The following ZNF652 variants were observed in gnomAD, a reference collection of about 807,000 sequenced individuals.
ZNF652 encodes the protein zinc finger protein 652.
ZNF652 carries 16 observed loss-of-function variants against 45.2 expected under a neutral mutation model. The ratio of observed to expected loss-of-function variants is 0.35; its 90% CI spans 0.24 to 0.54. The LOEUF (loss-of-function observed/expected upper bound fraction) is 0.54. Ranked by LOEUF, ZNF652 falls within the 20% of genes least tolerant of loss-of-function variation. The pLI is 0.91. For synonymous variants in ZNF652, 250 were observed against 260.6 expected, an observed-to-expected ratio of 0.96 and a Z score of 0.39; for missense variants, 614 against 765.6, an observed-to-expected ratio of 0.80 and a Z score of 2.34.
chr17:49,362,198 G>T lies in ZNF652; in HGVS notation c.-548C>A, dbSNP rs2143175330. 6.6e-6 allele frequency: 1 copy of T among 150,874 alleles called. No homozygotes were observed. Among genetic ancestry groups the T allele is most frequent in the South Asian group, 1.8e-4 (1 of 5,490 alleles). 9.3% of individuals were successfully genotyped at this position (150,874 alleles called of 1,614,324 possible). A position where few individuals can be genotyped will look rare whatever the true frequency, so the allele number is the denominator to read the frequency against. Reference sequence around the variant, plus strand: ...CAGCGCGGGGCGGGCGGCAGGGGAGGGGGTGTGCGTGTGTGGATGTGTGTG... The same window carrying T: ...CAGCGCGGGGCGGGCGGCAGGGGAGTGGGTGTGCGTGTGTGGATGTGTGTG... On this transcript the variant is annotated 5_prime_UTR_variant, in exon 1 of 6. Coordinates refer to ENST00000430262, the MANE Select transcript of ZNF652 (RefSeq NM_001145365.3).
chr17:49,354,829 G>A (rs987475487), intron 1 of ZNF652, among the ~76,000 whole-genome samples: 1 of 151,822 alleles, frequency 6.6e-6, no homozygotes, highest in Non-Finnish European at 1.5e-5. Context: ...AGGTTCAAGC[G>A]ATTCTCATGC....
At chr17:49,358,658 T>C (rs546089726) in intron 1 of ZNF652, among the ~76,000 whole-genome samples, 1 of 152,170 alleles carries the variant, frequency 6.6e-6, no homozygotes, top group Non-Finnish European at 1.5e-5. Context: ...ATCAGTAGCA[T>C]TACTAATCAA....
Position 49,317,322 on chromosome 17 carries a change from T to G in ZNF652, c.404A>C (p.Lys135Thr), listed in dbSNP as rs371687212. 6.2e-7 allele frequency: 1 copy of G among 1,613,054 alleles called. No individual in the cohort carries two copies. Among genetic ancestry groups the G allele is most frequent in the Non-Finnish European group, 8.5e-7 (1 of 1,180,012 alleles). ...CTCTTTGGACTGAGAAGAGACACCC[T>G]TTTCCCCTTTAGATACATTTAATGT... ...NQTLNVSKGE[K>T]GVSSQSKETP... Residue 135 changes from lysine to threonine, a missense_variant, in exon 2 of 6, where the codon AAG becomes ACG. Physicochemically the swap from Lys to Thr is moderately conservative, Grantham distance 78 (BLOSUM62 -1). Transcript: ENST00000430262.
At chr17:49,327,915 T>A (rs1277794210) in intron 1 of ZNF652, among the ~76,000 whole-genome samples, 1 of 151,226 alleles carries the variant, frequency 6.6e-6, no homozygotes, top group Non-Finnish European at 1.5e-5. Context: ...ATCACACCTG[T>A]AATTTTTTAA....
intron 1 of ZNF652, among the ~76,000 whole-genome samples, chr17:49,343,979 A>G (rs1281170512): frequency 1.3e-5 from 2 of 152,094 alleles, no homozygotes; most frequent in Non-Finnish European, 2.9e-5. Context: ...CGGGTGGATC[A>G]CAAGGTCAGG....
rs376422828 is a variant in ZNF652 at position 49,311,420 on chromosome 17, G to A, written c.1201C>T (p.Arg401Cys). Residue 401 changes from arginine to cysteine, a missense_variant, in exon 5 of 6, where the codon CGC (arginine) becomes TGC (cysteine). Physicochemically the swap from Arg to Cys is radical, Grantham distance 180 (BLOSUM62 -3). This residue lies in a region of ZNF652 where 81 missense variants were observed against 167.0 expected (regional missense o/e 0.48). Coordinates refer to ENST00000430262, the MANE Select transcript of ZNF652 (RefSeq NM_001145365.3). Reference protein sequence around the residue: ...DERFQYKYQLRSHMSIHIGHK... With the variant: ...DERFQYKYQLCSHMSIHIGHK... ...CCAATATGAATGCTCATGTGGGAGCGTAGCTGGTACTTGTACTGAAACCTT... is the reference window on the plus strand; with the variant it reads ...CCAATATGAATGCTCATGTGGGAGCATAGCTGGTACTTGTACTGAAACCTT... 5.6e-6 allele frequency: 9 copies of A among 1,614,140 alleles called. No homozygotes were observed. The highest frequency in any genetic ancestry group is 1.7e-5 in the Admixed American group (1 of 60,024).
intron 1 of ZNF652, among the ~76,000 whole-genome samples, chr17:49,358,038 C>T (rs2070355820): frequency 6.6e-6 from 1 of 152,194 alleles, no homozygotes; most frequent in Non-Finnish European, 1.5e-5. Flanking sequence ...TGCTCCATAT[C>T]CTAACATGTA....
chr17:49,346,851 T>C (rs551669240), intron 1 of ZNF652, among the ~76,000 whole-genome samples: 2 of 152,344 alleles, frequency 1.3e-5, no homozygotes, highest in East Asian at 3.9e-4. Context: ...AGCTTGTGCC[T>C]ATCTTAGTAC....
At chr17:49,331,960 C>T (rs1267302763) in intron 1 of ZNF652, among the ~76,000 whole-genome samples, 3 of 143,432 alleles carry the variant, frequency 2.1e-5, no homozygotes, top group Non-Finnish European at 4.5e-5. Context: ...GACAGTGAGA[C>T]TTCGTCTCAA....
intron 1 of ZNF652, among the ~76,000 whole-genome samples, chr17:49,340,455 C>T (rs993741580): frequency 6.8e-6 from 1 of 146,580 alleles, no homozygotes; most frequent in Non-Finnish European, 1.5e-5. Context: ...ACTCCGGAGG[C>T]TGAGACAGGA....
chr17:49,290,784 AG>A lies in ZNF652; in HGVS notation c.*7628del, dbSNP rs1400923635. On this transcript the variant is annotated 3_prime_UTR_variant, in exon 6 of 6. Transcript: ENST00000430262. ...TGAACGACGACTGGACTTTGTAATA[AG>A]GGAAAATTTCTTAAATAATCAAAAT... The A allele has an allele frequency of 6.6e-6, 1 of 152,230 alleles. No individual in the cohort carries two copies. The highest frequency in any genetic ancestry group is 1.5e-5 in the Non-Finnish European group (1 of 68,044). The allele number at this position is 152,230 out of a possible 1,614,324, so 9.4% of individuals were successfully genotyped here.
In ZNF652 at chr17:49,317,885, AC is replaced by A; in HGVS notation, c.-161del. ...TGTGCAATTCTTCCAGTGTTGCAGC[AC>A]CAAAGCATGAGTCAAAAAGGTTTGG... is the stretch of plus-strand genomic sequence containing the variant. On this transcript the variant is annotated 5_prime_UTR_variant, in exon 2 of 6. It removes the in-frame stop codon of an upstream open reading frame in the 5' UTR. Transcript: ENST00000430262. The A allele has an allele frequency of 1.2e-6, 1 of 801,506 alleles. No homozygotes were observed. Among genetic ancestry groups the A allele is most frequent in the Non-Finnish European group, 1.8e-6 (1 of 541,808 alleles). 49.6% of individuals were successfully genotyped at this position (801,506 alleles called of 1,614,324 possible).
chr17:49,350,899 G>A (rs1399273530), intron 1 of ZNF652, among the ~76,000 whole-genome samples: 1 of 149,484 alleles, frequency 6.7e-6, no homozygotes, highest in Admixed American at 6.8e-5. Flanking sequence ...GAACCCGAGA[G>A]GCAGAGGTTG....
At chr17:49,348,949 A>C (rs1311652762) in intron 1 of ZNF652, among the ~76,000 whole-genome samples, 1 of 152,202 alleles carries the variant, frequency 6.6e-6, no homozygotes, top group African/African-American at 2.4e-5. Flanking sequence ...ATGCTTCTGA[A>C]TGAAACTGAA....
chr17:49,318,633 T>C (rs1385352358), intron 1 of ZNF652, among the ~76,000 whole-genome samples: 2 of 152,204 alleles, frequency 1.3e-5, no homozygotes, highest in African/African-American at 4.8e-5. Flanking sequence ...AATATGCTGA[T>C]ATGGCAAAAT....
rs921454901 is a variant in ZNF652 at position 49,290,795 on chromosome 17, C to T, written c.*7618G>A. 2 of 152,166 alleles carry T rather than the reference C, an allele frequency of 1.3e-5. No individual in the cohort carries two copies. Among genetic ancestry groups the T allele is most frequent in the African/African-American group, 4.8e-5 (2 of 41,426 alleles). 9.4% of individuals were successfully genotyped at this position (152,166 alleles called of 1,614,324 possible). On this transcript the variant is annotated 3_prime_UTR_variant, in exon 6 of 6. Coordinates refer to ENST00000430262, the MANE Select transcript of ZNF652 (RefSeq NM_001145365.3). ...TGGACTTTGTAATAAGGGAAAATTT[C>T]TTAAATAATCAAAATACATGAATAA...
At chr17:49,311,820 G>A in intron 4 of ZNF652, 107 bp downstream of exon 4, 1 of 909,886 alleles carries the variant, frequency 1.1e-6, no homozygotes, top group Non-Finnish European at 1.7e-6. Flanking sequence ...AAGTTCTGTG[G>A]AAGGCAGCCT....
At chr17:49,355,190 T>C (rs890409149) in intron 1 of ZNF652, among the ~76,000 whole-genome samples, 1 of 152,126 alleles carries the variant, frequency 6.6e-6, no homozygotes, top group African/African-American at 2.4e-5. Context: ...TTCTAAAAAG[T>C]TTAAATATAT....
intron 1 of ZNF652, among the ~76,000 whole-genome samples, chr17:49,340,590 A>G (rs2070135689): frequency 1.4e-5 from 2 of 142,644 alleles, no homozygotes; most frequent in Non-Finnish European, 3.1e-5. Context: ...GAAAAAATAT[A>G]TTTTGGAATT....
Sources: allele counts gnomAD v4.1 joint callset (sites outside exome capture counted in the v4.1 genomes callset), GRCh38; gene constraint gnomAD v4.1.1; regional missense constraint gnomAD v4.1.1; transcripts MANE v1.5; gene names NCBI Gene and HGNC (gene_info 2026-07-23, HGNC 2026-07-21).